Variants in MDGA1 observed in about 807,000 individuals in gnomAD.
The protein encoded by MDGA1 is MAM domain-containing glycosylphosphatidylinositol anchor protein 1.
A neutral mutation model predicts 101.5 loss-of-function variants in MDGA1; 54 were observed. That is an observed-to-expected ratio of 0.53 (90% confidence interval 0.43 to 0.67). The LOEUF is 0.67. Ranked by LOEUF, MDGA1 falls within the 30% of genes least tolerant of loss-of-function variation. The pLI is 0.00. For missense variants in MDGA1, 1,083 were observed against 1,323.8 expected (o/e 0.82, Z 2.82); for synonymous variants, 533 against 558.3 (o/e 0.95, Z 0.64).
At chr6:37,677,179 C>T (rs1761998776) in intron 1 of MDGA1, among the ~76,000 whole-genome samples, 3 of 152,138 alleles carry the variant, frequency 2.0e-5, no homozygotes, top group Admixed American at 6.5e-5. Context: ...GGCCATAATG[C>T]ACCTATTAAA....
At chr6:37,691,136 C>A (rs1034193811) in intron 1 of MDGA1, among the ~76,000 whole-genome samples, 1 of 152,092 alleles carries the variant, frequency 6.6e-6, no homozygotes, top group Non-Finnish European at 1.5e-5. Flanking sequence ...TGCCAATGTC[C>A]AGAACTGAGT....
Position 37,697,165 on chromosome 6 carries a change from C to A in MDGA1, c.-354G>T. The stretch of plus-strand genomic sequence containing the variant: ...CTAGGCGCCGGGGACCTCTCGGCGG[C>A]GGAGGCGGCGCTTCGATCCAACAGG... On this transcript the variant is annotated 5_prime_UTR_variant, in exon 1 of 17. Coordinates refer to ENST00000434837, the MANE Select transcript of MDGA1 (RefSeq NM_153487.4). 4.7e-6 allele frequency: 1 copy of A among 214,252 alleles called. No individual in the cohort carries two copies. Among genetic ancestry groups the A allele is most frequent in the Non-Finnish European group, 9.1e-6 (1 of 110,174 alleles). 13.3% of individuals were successfully genotyped at this position (214,252 alleles called of 1,614,324 possible).
rs1763907959 is a variant in MDGA1 at position 37,635,494 on chromosome 6, G to A, written c.*1874C>T. ...ACAGAGGCCTTGACTGGGTCAGGAA[G>A]GCAGCCGTGCTGATTGGGCATCAGA... is the stretch of plus-strand genomic sequence containing the variant. On this transcript the variant is annotated 3_prime_UTR_variant, in exon 17 of 17. Coordinates refer to ENST00000434837, the MANE Select transcript of MDGA1 (RefSeq NM_153487.4). 1.0e-5 allele frequency: 4 copies of A among 398,718 alleles called. No homozygotes were observed. Among genetic ancestry groups the A allele is most frequent in the Non-Finnish European group, 1.8e-5 (4 of 226,104 alleles). The allele number at this position is 398,718 out of a possible 1,614,324, so 24.7% of individuals were successfully genotyped here. A position where few individuals can be genotyped will look rare whatever the true frequency, so the allele number is the denominator to read the frequency against.
chr6:37,663,311 C>T (rs1005155904), intron 2 of MDGA1, among the ~76,000 whole-genome samples: 3 of 152,200 alleles, frequency 2.0e-5, no homozygotes, highest in Non-Finnish European at 2.9e-5. Context: ...TTTCTAATTG[C>T]TTTGGATCTT....
At chr6:37,650,592 G>A (rs905042500) in intron 7 of MDGA1, among the ~76,000 whole-genome samples, 187 bp from the exon 8 acceptor site, 2 of 152,120 alleles carry the variant, frequency 1.3e-5, no homozygotes, top group African/African-American at 4.8e-5. Context: ...CATCTCCTGG[G>A]TCTCCACCTC....
chr6:37,643,674 G>T, intron 14 of MDGA1, 135 bp downstream of exon 14: 1 of 1,264,206 alleles, frequency 7.9e-7, no homozygotes, highest in Non-Finnish European at 1.1e-6. Flanking sequence ...GTGCAGACCC[G>T]TCCAAGGACC....
intron 2 of MDGA1, among the ~76,000 whole-genome samples, chr6:37,663,607 G>A (rs979289874): frequency 6.6e-6 from 1 of 152,214 alleles, no homozygotes; most frequent in Non-Finnish European, 1.5e-5. Flanking sequence ...GGCTCCACAG[G>A]GAAAACACTG....
At chr6:37,674,264 C>T (rs767187083) in intron 1 of MDGA1, among the ~76,000 whole-genome samples, 2 of 152,258 alleles carry the variant, frequency 1.3e-5, no homozygotes, top group Non-Finnish European at 2.9e-5. Flanking sequence ...GGTACAAGGG[C>T]GCTGTCACTG....
chr6:37,656,536 C>T (rs1308438974), intron 3 of MDGA1, among the ~76,000 whole-genome samples: 1 of 152,098 alleles, frequency 6.6e-6, no homozygotes, highest in Non-Finnish European at 1.5e-5. Flanking sequence ...CCACACCTGG[C>T]TAATTTTTGT....
intron 1 of MDGA1, among the ~76,000 whole-genome samples, chr6:37,687,306 A>G (rs932179093): frequency 6.6e-6 from 1 of 151,738 alleles, no homozygotes; most frequent in Non-Finnish European, 1.5e-5. Context: ...CTGTAATCCC[A>G]GCACTTTGAG....
At chr6:37,658,514 A>G (rs973276131) in intron 2 of MDGA1, 95 bp from the exon 3 acceptor site, 2 of 1,318,156 alleles carry the variant, frequency 1.5e-6, no homozygotes, top group African/African-American at 2.9e-5. Flanking sequence ...CCTTTCTCCC[A>G]TACTTTTTCA....
chr6:37,668,108 A>T (rs1761794146), intron 1 of MDGA1, among the ~76,000 whole-genome samples: 1 of 151,966 alleles, frequency 6.6e-6, no homozygotes, highest in Admixed American at 6.6e-5. Flanking sequence ...AAAATTAGCC[A>T]GGCATGGGGG....
At chr6:37,645,242 G>T (rs1280900141) in intron 12 of MDGA1, among the ~76,000 whole-genome samples, 1 of 152,144 alleles carries the variant, frequency 6.6e-6, no homozygotes, top group African/African-American at 2.4e-5. Flanking sequence ...GGAAAATAAA[G>T]AAATAATTGA....
Position 37,652,888 on chromosome 6 carries a change from T to C in MDGA1, c.983-548A>G, listed in dbSNP as rs1471759225. Among the ~76,000 whole-genome samples, 1 of 152,228 alleles carries C rather than the reference T, an allele frequency of 6.6e-6. No individual in the cohort carries two copies. The highest frequency in any genetic ancestry group is 1.5e-5 in the Non-Finnish European group (1 of 68,042). ...ATCTAGAGAGTGGAACTGAGGAGAA[T>C]TGACAATTGAATTCTTACATTTCAC... On this transcript the variant is annotated intron_variant, in intron 6 of 16. Transcript: ENST00000434837. The surrounding 1 kb of genome is among the most constrained non-coding windows in gnomAD (Gnocchi z 4.3).
At chr6:37,675,120 T>C (rs1033616203) in intron 1 of MDGA1, among the ~76,000 whole-genome samples, 32 of 152,116 alleles carry the variant, frequency 2.1e-4, no homozygotes, top group African/African-American at 7.7e-4. Context: ...TCATCTCCAA[T>C]CAGTAAAGGC....
At chr6:37,642,750 T>A (rs970615358) in intron 14 of MDGA1, among the ~76,000 whole-genome samples, 16 of 152,168 alleles carry the variant, frequency 1.1e-4, no homozygotes, top group African/African-American at 3.9e-4. Context: ...CCCCTGTCCT[T>A]CCACTGCCAC....
In MDGA1 at chr6:37,638,312, A is replaced by G. The variant is rs759925448; in HGVS notation, c.2669T>C (p.Ile890Thr). Residue 890 changes from isoleucine to threonine, a missense_variant and splice_region_variant, in exon 16 of 17, where the codon ATT (isoleucine) becomes ACT (threonine). Physicochemically the swap from Ile to Thr is moderately conservative, Grantham distance 89. Transcript: ENST00000434837. This position sits in a 1 kb window ranked among gnomAD's most constrained non-coding sequence, Gnocchi z 4.8. Reference sequence around the variant, plus strand: ...CGGGCCTCGAACCCCCTCAAAAATAATCTGGGGTGGGGTCAGAAAGCAAGG... The same window carrying G: ...CGGGCCTCGAACCCCCTCAAAAATAGTCTGGGGTGGGGTCAGAAAGCAAGG... The part of the protein sequence containing the change: ...VPISPSGPFQ[I>T]IFEGVRGPGY... 4 of 1,601,744 alleles carry G rather than the reference A, an allele frequency of 2.5e-6. No homozygotes were observed. Among genetic ancestry groups the G allele is most frequent in the Non-Finnish European group, 3.4e-6 (4 of 1,172,564 alleles).
chr6:37,689,941 C>T (rs1762274566), intron 1 of MDGA1, among the ~76,000 whole-genome samples: 1 of 152,194 alleles, frequency 6.6e-6, no homozygotes, highest in African/African-American at 2.4e-5. Context: ...AAAAAGGTGT[C>T]AGTTCATGTC....
chr6:37,638,753 C>T lies in MDGA1; in HGVS notation c.2537-86G>A, dbSNP rs1417481947. 6.6e-7 allele frequency: 1 copy of T among 1,514,416 alleles called. No individual in the cohort carries two copies. The highest frequency in any genetic ancestry group is 8.9e-7 in the Non-Finnish European group (1 of 1,123,288). The allele number at this position is 1,514,416 out of a possible 1,614,324, so 93.8% of individuals were successfully genotyped here. On this transcript the variant is annotated intron_variant, in intron 14 of 16. Coordinates refer to ENST00000434837, the MANE Select transcript of MDGA1 (RefSeq NM_153487.4). This position sits in a 1 kb window ranked among gnomAD's most constrained non-coding sequence, Gnocchi z 4.8. ...CATTTACCAAGCCCTCTTCTCCCAC[C>T]ATAGCCTGCAGCCCTGTCCCTGTTG...
Sources: gnomAD v4.1 joint callset for allele counts (sites outside exome capture counted in the v4.1 genomes callset) on GRCh38, gnomAD v4.1.1 for gene constraint, Gnocchi (gnomAD v3.1) non-coding constraint, MANE v1.5 for transcripts, NCBI Gene and HGNC (gene_info 2026-07-23, HGNC 2026-07-21) for gene names.